The following HLA-DPA1 variants were observed in gnomAD, a reference collection of about 807,000 sequenced individuals.
HLA-DPA1 encodes major histocompatibility complex, class II, DP alpha 1.
Under a neutral mutation model 21.5 loss-of-function variants are expected in HLA-DPA1, and 20 were observed. That is an observed-to-expected ratio of 0.93 (90% CI 0.66 to 1.35). HLA-DPA1 has a LOEUF of 1.35. Ranked by LOEUF, HLA-DPA1 falls within the 40% of genes most tolerant of loss-of-function variation. The pLI, the probability that HLA-DPA1 is intolerant of heterozygous loss-of-function variation, is 0.00. For synonymous variants in HLA-DPA1, 123 were observed against 129.6 expected (o/e 0.95, Z 0.35); for missense variants, 279 against 323.0 (o/e 0.86, Z 1.05).
Position 33,073,457 on chromosome 6 carries a change from T to C in HLA-DPA1, c.100+14A>G. On this transcript the variant is annotated intron_variant, in intron 2 of 5. Coordinates refer to ENST00000419277, the Ensembl canonical transcript of HLA-DPA1. ...CACTCACCCCGACGCTCCTGCGTCC[T>C]CCTGAGCACTCACCCTTGATGGCCC... 6.3e-7 allele frequency: 1 copy of C among 1,582,272 alleles called. No homozygotes were observed. Among genetic ancestry groups the C allele is most frequent in the Non-Finnish European group, 8.7e-7 (1 of 1,152,132 alleles).
intron 1 of HLA-DPA1, chr6:33,076,016 T>C (rs144456909): frequency 8.3e-5 from 132 of 1,582,240 alleles, no homozygotes; most frequent in African/African-American, 7.1e-4. Context: ...GCAGCTCTTT[T>C]CATTTTGCCA....
intron 1 of HLA-DPA1, among the ~76,000 whole-genome samples, chr6:33,077,583 A>G (rs1762608197): frequency 6.6e-6 from 1 of 152,210 alleles, no homozygotes; most frequent in Non-Finnish European, 1.5e-5. Flanking sequence ...GTGGAGAAAT[A>G]GGAACACTTT....
At chr6:33,072,759 G>C (rs575331896) in intron 2 of HLA-DPA1, among the ~76,000 whole-genome samples, 1 of 152,142 alleles carries the variant, frequency 6.6e-6, no homozygotes, top group Admixed American at 6.5e-5. Flanking sequence ...CATTCACTAC[G>C]GTCCATCTCT....
chr6:33,069,284 G>T (rs1126544), exon 4 of HLA-DPA1: 8 of 1,612,278 alleles, frequency 5.0e-6, no homozygotes, highest in Admixed American at 1.7e-5. Flanking sequence ...TGGGAAACAC[G>T]GTCACCTCAG....
At chr6:33,072,388 G>C (rs4422658) in intron 2 of HLA-DPA1, among the ~76,000 whole-genome samples, 1 of 152,198 alleles carries the variant, frequency 6.6e-6, no homozygotes, top group Middle Eastern at 3.4e-3. Flanking sequence ...TAAGGTAAAT[G>C]ACATGTTTAA....
At chr6:33,076,580 C>G (rs1234839705) in intron 1 of HLA-DPA1, among the ~76,000 whole-genome samples, 1 of 152,194 alleles carries the variant, frequency 6.6e-6, no homozygotes, top group East Asian at 1.9e-4. Context: ...AAGAATGCCT[C>G]TTATTCCCCA....
exon 5 of HLA-DPA1, chr6:33,068,790 T>A (rs1762097240): frequency 1.2e-6 from 2 of 1,612,898 alleles, no homozygotes; most frequent in Non-Finnish European, 1.7e-6. Flanking sequence ...GGCATCTGGA[T>A]TGGCTCTTGG....
At chr6:33,073,449 C>A in intron 2 of HLA-DPA1, 22 bp downstream of exon 1, 1 of 1,536,580 alleles carries the variant, frequency 6.5e-7, no homozygotes, top group Non-Finnish European at 9.0e-7. Flanking sequence ...CCCGACGCTC[C>A]TGCGTCCTCC....
chr6:33,080,628 A>C lies in HLA-DPA1; in HGVS notation c.-100+52T>G. 6.2e-7 allele frequency: 1 copy of C among 1,610,166 alleles called. No individual in the cohort carries two copies. Among genetic ancestry groups the C allele is most frequent in the Non-Finnish European group, 8.5e-7 (1 of 1,177,480 alleles). ...GAGAGAGAGAGGGAGAAAGAGGATTAGATGAGAGTGGCGCCTCCGCTCATG... is the reference window on the plus strand; with the variant it reads ...GAGAGAGAGAGGGAGAAAGAGGATTCGATGAGAGTGGCGCCTCCGCTCATG... On this transcript the variant is annotated intron_variant, in intron 1 of 5. Transcript: ENST00000419277. The surrounding 1 kb of genome is among the most constrained non-coding windows in gnomAD (Gnocchi z 4.3).
At chr6:33,073,427 C>T in intron 2 of HLA-DPA1, 44 bp downstream of exon 1, 1 of 973,336 alleles carries the variant, frequency 1.0e-6, no homozygotes, top group South Asian at 1.4e-5. Flanking sequence ...TGTGAACCAC[C>T]CCATCACTCA....
At chr6:33,079,788 GGAAA>G in intron 1 of HLA-DPA1, 1 of 475,726 alleles carries the variant, frequency 2.1e-6, no homozygotes, top group South Asian at 1.6e-5. Flanking sequence ...AAGTCATCAT[GGAAA>G]GAGTCACCCA....
At chr6:33,069,220 A>T (rs748074351) in exon 4 of HLA-DPA1, 1 of 1,612,904 alleles carries the variant, frequency 6.2e-7, no homozygotes, top group Non-Finnish European at 8.5e-7. Flanking sequence ...GGTGGGAAGA[A>T]CTTGTCAATG....
At chr6:33,073,257 A>G (rs1431399) in intron 2 of HLA-DPA1, among the ~76,000 whole-genome samples, 43,823 of 152,208 alleles carry the variant, frequency 0.29, 8,307 homozygotes, top group East Asian at 0.66. Flanking sequence ...TTCATTGAAG[A>G]TTCCTGTGAG....
chr6:33,069,486 T>A, intron 3 of HLA-DPA1, 155 bp downstream of exon 2: 1 of 1,094,562 alleles, frequency 9.1e-7, no homozygotes, highest in Non-Finnish European at 1.3e-6. Flanking sequence ...GAAGAGAGGA[T>A]GCAAGCCCTT....
At chr6:33,070,520 G>A (rs939815213) in intron 2 of HLA-DPA1, among the ~76,000 whole-genome samples, 2 of 152,098 alleles carry the variant, frequency 1.3e-5, no homozygotes, top group Non-Finnish European at 2.9e-5. Context: ...TTGAGAGGAA[G>A]AAGAAAATAT....
rs757645082 is a variant in HLA-DPA1 at position 33,073,455 on chromosome 6, C to T, written c.100+16G>A. The T allele has an allele frequency of 7.0e-6, 11 of 1,569,614 alleles. No homozygotes were observed. Among genetic ancestry groups the T allele is most frequent in the Non-Finnish European group, 8.8e-6 (10 of 1,140,634 alleles). ...ATCACTCACCCCGACGCTCCTGCGT[C>T]CTCCTGAGCACTCACCCTTGATGGC... On this transcript the variant is annotated intron_variant, in intron 2 of 5. Coordinates refer to ENST00000419277, the Ensembl canonical transcript of HLA-DPA1.
At chr6:33,069,876 C>T in exon 3 of HLA-DPA1, 1 of 1,609,482 alleles carries the variant, frequency 6.2e-7, no homozygotes, top group South Asian at 1.1e-5. Context: ...CATAAGTTGA[C>T]ACATGGTCCG....
chr6:33,065,590 T>G (rs1392166334), intron 5 of HLA-DPA1: 13 of 152,240 alleles, frequency 8.5e-5, no homozygotes. Flanking sequence ...CCATCCCACA[T>G]GCTTCATGTC....
At chr6:33,068,532 T>A (rs916628308) in intron 5 of HLA-DPA1, 106 bp downstream of exon 4, 24 of 859,196 alleles carry the variant, frequency 2.8e-5, no homozygotes, top group Non-Finnish European at 4.2e-5. Flanking sequence ...GTTATGTGGC[T>A]GAATGCTTTT....
Sources: allele counts gnomAD v4.1 joint callset (sites outside exome capture counted in the v4.1 genomes callset), GRCh38; gene constraint gnomAD v4.1.1; non-coding constraint Gnocchi (gnomAD v3.1); transcripts MANE v1.5; gene names NCBI Gene and HGNC (gene_info 2026-07-23, HGNC 2026-07-21).